The following ZNF737 variants were observed in gnomAD, a reference collection of about 807,000 sequenced individuals.
The protein encoded by ZNF737 is zinc finger protein 737.
ZNF737 carries 13 observed loss-of-function variants against 11.7 expected under a neutral mutation model. That is an observed-to-expected ratio of 1.11 (90% confidence interval 0.73 to 1.77). ZNF737 has a LOEUF of 1.77. Ranked by LOEUF, ZNF737 falls within the 40% of genes most tolerant of loss-of-function variation. The pLI is 0.00. For synonymous variants in ZNF737, 217 were observed against 216.2 expected, an observed-to-expected ratio of 1.00 and a Z score of -0.03; for missense variants, 636 against 638.0, an observed-to-expected ratio of 1.00 and a Z score of 0.03.
At position 20,538,538 on chromosome 19, in the gene ZNF737, G is replaced by A. The variant is rs1046073313; in HGVS notation, c.*6054C>T. 7.5e-5 allele frequency: 39 copies of A among 517,366 alleles called. No individual in the cohort carries two copies. Among genetic ancestry groups the A allele is most frequent in the African/African-American group, 7.3e-4 (35 of 48,108 alleles). The allele number at this position is 517,366 out of a possible 1,614,324, so 32.0% of individuals were successfully genotyped here. A position where few individuals can be genotyped will look rare whatever the true frequency, so the allele number is the denominator to read the frequency against. On this transcript the variant is annotated 3_prime_UTR_variant, in exon 4 of 4. Transcript: ENST00000427401. The stretch of plus-strand genomic sequence containing the variant: ...TCTGTCTCCTCTGTTCAGTGTACTC[G>A]TGGCAAAACTGCTTTCTGCAAAAAG...
At chr19:20,534,819 C>T (rs1555753539), downstream of ZNF737, among the ~76,000 whole-genome samples, 3 of 149,856 alleles carry the variant, frequency 2.0e-5, no homozygotes, top group Non-Finnish European at 4.4e-5. Flanking sequence ...GGGTGAGAGA[C>T]TAAATGACTA....
chr19:20,561,666 A>C (rs551252409), intron 1 of ZNF737, among the ~76,000 whole-genome samples: 2 of 152,094 alleles, frequency 1.3e-5, no homozygotes, highest in African/African-American at 4.8e-5. Context: ...ACAATTCTCC[A>C]ACACCAACTC....
chr19:20,543,244 T>C lies in ZNF737; in HGVS notation c.*1348A>G. 4.1e-6 allele frequency: 4 copies of C among 985,432 alleles called. No individual in the cohort carries two copies. Among genetic ancestry groups the C allele is most frequent in the Non-Finnish European group, 4.8e-6 (4 of 829,920 alleles). The allele number at this position is 985,432 out of a possible 1,614,324, so 61.0% of individuals were successfully genotyped here. ...TCTAAACTTAATACATTTGTAGGAC[T>C]CATCTCCAATATAAATTCCCTGATG... On this transcript the variant is annotated 3_prime_UTR_variant, in exon 4 of 4. Coordinates refer to ENST00000427401, the MANE Select transcript of ZNF737 (RefSeq NM_001159293.2).
intron 1 of ZNF737, among the ~76,000 whole-genome samples, chr19:20,554,171 G>C (rs1555759781): frequency 6.6e-6 from 1 of 152,188 alleles, no homozygotes; most frequent in Non-Finnish European, 1.5e-5. Context: ...GACATGTTGA[G>C]TTTAGAAGGC....
downstream of ZNF737, among the ~76,000 whole-genome samples, chr19:20,532,674 C>T (rs1244800475): frequency 6.7e-6 from 1 of 149,692 alleles, no homozygotes; most frequent in African/African-American, 2.5e-5. Context: ...ATTCTCATCC[C>T]ATTAAACCAG....
chr19:20,564,406 C>T (rs1555763256), intron 1 of ZNF737, among the ~76,000 whole-genome samples: 1 of 152,164 alleles, frequency 6.6e-6, no homozygotes, highest in African/African-American at 2.4e-5. Flanking sequence ...TCATTGTCTA[C>T]AGCCAAAATG....
chr19:20,539,123 C>G lies in ZNF737; in HGVS notation c.*5469G>C, dbSNP rs1324590725. 1 of 574,632 alleles carries G rather than the reference C, an allele frequency of 1.7e-6. No homozygotes were observed. The highest frequency in any genetic ancestry group is 9.6e-5 in the Admixed American group (1 of 10,442). The allele number at this position is 574,632 out of a possible 1,614,324, so 35.6% of individuals were successfully genotyped here. On this transcript the variant is annotated 3_prime_UTR_variant, in exon 4 of 4. Transcript: ENST00000427401. ...CAAGCCTGGCTAACATGATGAAATC[C>G]CATCTCTACTACAAAAATTATCCGG... is the stretch of plus-strand genomic sequence containing the variant.
chr19:20,541,448 TTTTTA>T lies in ZNF737; in HGVS notation c.*3139_*3143del, dbSNP rs1247473183. 87 of 962,024 alleles carry T rather than the reference TTTTTA, an allele frequency of 9.0e-5. No homozygotes were observed. Among genetic ancestry groups the T allele is most frequent in the Middle Eastern group, 1.1e-3 (2 of 1,870 alleles). 59.6% of individuals were successfully genotyped at this position (962,024 alleles called of 1,614,324 possible). Reference sequence around the variant, plus strand: ...AGGACTCAGAAATGTATGGATTTTATTTTTATTTTATTTTTTGAGATGGAGACTCA... The same window carrying T: ...AGGACTCAGAAATGTATGGATTTTATTTTTATTTTTTGAGATGGAGACTCA... On this transcript the variant is annotated 3_prime_UTR_variant, in exon 4 of 4. Coordinates refer to ENST00000427401, the MANE Select transcript of ZNF737 (RefSeq NM_001159293.2).
At position 20,559,645 on chromosome 19, in the gene ZNF737, G is replaced by A. The variant is rs186806036; in HGVS notation, c.4-5810C>T. On this transcript the variant is annotated intron_variant, in intron 1 of 3. Coordinates refer to ENST00000427401, the MANE Select transcript of ZNF737 (RefSeq NM_001159293.2). ...ACGGAATGCTTATACTCTGCTGGTG[G>A]GAGTGTAAATAGTTTAACAACTGTA... is the stretch of plus-strand genomic sequence containing the variant. 6.6e-5 allele frequency among the ~76,000 whole-genome samples: 10 copies of A among 152,294 alleles called. No homozygotes were observed. In the East Asian group the frequency reaches 1.5e-3, roughly 24 times the overall value.
At position 20,542,568 on chromosome 19, in the gene ZNF737, A is replaced by G. The variant is rs1027377925; in HGVS notation, c.*2024T>C. 4 of 981,646 alleles carry G rather than the reference A, an allele frequency of 4.1e-6. No homozygotes were observed. Among genetic ancestry groups the G allele is most frequent in the Admixed American group, 6.2e-5 (1 of 16,230 alleles). 60.8% of individuals were successfully genotyped at this position (981,646 alleles called of 1,614,324 possible). A position where few individuals can be genotyped will look rare whatever the true frequency, so the allele number is the denominator to read the frequency against. ...AAAATGCACTGCATTTTATTACATA[A>G]AAGTACAAGTAGTAAAGTAATATAC... On this transcript the variant is annotated 3_prime_UTR_variant, in exon 4 of 4. Coordinates refer to ENST00000427401, the MANE Select transcript of ZNF737 (RefSeq NM_001159293.2).
At chr19:20,552,095 C>T (rs1444174221) in intron 3 of ZNF737, among the ~76,000 whole-genome samples, 1 of 151,800 alleles carries the variant, frequency 6.6e-6, no homozygotes, top group Non-Finnish European at 1.5e-5. Context: ...GAAACTACTA[C>T]TCTCACACAT....
chr19:20,537,509 C>CTTTTTTTTT (rs1172290847), downstream of ZNF737, among the ~76,000 whole-genome samples: 5 of 58,478 alleles, frequency 8.6e-5, no homozygotes, highest in African/African-American at 3.3e-4. Flanking sequence ...GCCTGGTTTT[C>CTTTTTTTTT]TATTTTTTTT....
At chr19:20,551,633 G>A (rs148721166) in intron 3 of ZNF737, among the ~76,000 whole-genome samples, 2,865 of 151,504 alleles carry the variant, frequency 0.019, 54 homozygotes, top group Admixed American at 0.047. Context: ...TGTTTCATAC[G>A]CTTAAAACAA....
downstream of ZNF737, among the ~76,000 whole-genome samples, chr19:20,532,374 G>A (rs1967851071): frequency 6.7e-6 from 1 of 149,632 alleles, no homozygotes; most frequent in Non-Finnish European, 1.5e-5. Flanking sequence ...TTATTTCTGA[G>A]GTTTTTTTTA....
the ZNF737 span, among the ~76,000 whole-genome samples, chr19:20,530,689 T>G: frequency 3.4e-5 from 5 of 146,686 alleles, no homozygotes; most frequent in African/African-American, 1.3e-4. Flanking sequence ...GCAGAGATGC[T>G]CCTCACTTCC....
intron 1 of ZNF737, among the ~76,000 whole-genome samples, chr19:20,561,243 T>C (rs1359545466): frequency 1.3e-5 from 2 of 152,118 alleles, no homozygotes; most frequent in African/African-American, 4.8e-5. Flanking sequence ...AGATTGCTGC[T>C]GCAGATTTAG....
At chr19:20,555,372 C>T (rs571177754) in intron 1 of ZNF737, among the ~76,000 whole-genome samples, 20 of 151,996 alleles carry the variant, frequency 1.3e-4, no homozygotes, top group South Asian at 1.2e-3. Flanking sequence ...TTAATAGAGA[C>T]GGGGTTTCAC....
rs782113232 is a variant in ZNF737 at position 20,545,138 on chromosome 19, G to C, written c.1065C>G (p.Ser355=). Residue 355 remains serine, a synonymous_variant, in exon 4 of 4, where the codon TCC becomes TCG. Coordinates refer to ENST00000427401, the MANE Select transcript of ZNF737 (RefSeq NM_001159293.2). ...TATGAATTATCTTGTGTGTAGTAAG[G>C]GATGAGAAGTACTTAAAGGCTCTGC... The part of the protein sequence containing the change: ...ECGRAFKYFS[S]LTTHKIIHSG... 1.1e-5 allele frequency: 17 copies of C among 1,611,330 alleles called. No homozygotes were observed. Among genetic ancestry groups the C allele is most frequent in the African/African-American group, 1.3e-5 (1 of 74,778 alleles).
rs71172602 is a variant in ZNF737, at chr19:20,564,819, CAA to C, written c.3+817_3+818del. On this transcript the variant is annotated intron_variant, in intron 1 of 3. Transcript: ENST00000427401. ...AGCTCTAGTCCCTGGATTTCTACCT[CAA>C]AAAAAAAAAAATCTAAGCTCATGTG... Among the ~76,000 whole-genome samples, 330 of 147,038 alleles carry C rather than the reference CAA, an allele frequency of 2.2e-3. 3 individuals are homozygous for C. The highest frequency in any genetic ancestry group is 5.4e-3 in the East Asian group (27 of 4,996).
Sources: gnomAD v4.1 joint callset for allele counts (sites outside exome capture counted in the v4.1 genomes callset) on GRCh38, gnomAD v4.1.1 for gene constraint, MANE v1.5 for transcripts, NCBI Gene and HGNC (gene_info 2026-07-23, HGNC 2026-07-21) for gene names.